The following HIBCH variants were observed in gnomAD, a reference collection of about 807,000 sequenced individuals.
The protein encoded by HIBCH is 3-hydroxyisobutyryl-CoA hydrolase, mitochondrial.
HIBCH carries 50 observed loss-of-function variants against 58.2 expected under a neutral mutation model. The observed-to-expected ratio is 0.86, with a 90% CI of 0.68 to 1.09. The LOEUF (loss-of-function observed/expected upper bound fraction) is 1.09. Among genes scored for constraint, HIBCH ranks in the 50% least tolerant of loss-of-function variants. HIBCH has a pLI of 0.00. For missense variants in HIBCH, 450 were observed against 449.7 expected, an observed-to-expected ratio of 1.00 and a Z score of -0.01; for synonymous variants, 151 against 146.9, an observed-to-expected ratio of 1.03 and a Z score of -0.20.
rs780155170 is a variant in HIBCH, at chr2:190,213,122, T to C, written c.892-47A>G. 4.3e-6 allele frequency: 6 copies of C among 1,409,274 alleles called. No individual in the cohort carries two copies. In the East Asian group the frequency reaches 6.9e-5, roughly 16 times the overall value. The allele number at this position is 1,409,274 out of a possible 1,614,324, so 87.3% of individuals were successfully genotyped here. On this transcript the variant is annotated intron_variant, in intron 11 of 13. Transcript: ENST00000359678. ...TACTGTTAGTCCAATAGTTCCTTTA[T>C]TGTCTATAATAAATGGGCAGAGTGT...
intron 2 of HIBCH, 37 bp downstream of exon 2, chr2:190,310,717 T>C (rs201746200): frequency 2.1e-5 from 33 of 1,535,574 alleles, no homozygotes. Flanking sequence ...AAGTTACACA[T>C]ACAAATAATG....
chr2:190,270,066 G>A (rs1306559895), intron 6 of HIBCH, among the ~76,000 whole-genome samples: 4 of 152,178 alleles, frequency 2.6e-5, no homozygotes, highest in South Asian at 4.2e-4. Flanking sequence ...GGGGCCTGTC[G>A]GGAGGTGAGG....
Position 190,207,905 on chromosome 2 carries a change from AAAAC to A in HIBCH, c.1045+971_1045+974del, listed in dbSNP as rs1453245343. Among the ~76,000 whole-genome samples, 3 of 152,122 alleles carry A rather than the reference AAAAC, an allele frequency of 2.0e-5. No homozygotes were observed. Among genetic ancestry groups the A allele is most frequent in the Non-Finnish European group, 4.4e-5 (3 of 68,012 alleles). ...CCAAAAAAAATAAAATAAAATAAAA[AAAAC>A]AAAGGATATCCAGAGTCTGCACTAT... On this transcript the variant is annotated intron_variant, in intron 13 of 13. Coordinates refer to ENST00000359678, the MANE Select transcript of HIBCH (RefSeq NM_014362.4). This position sits in a 1 kb window ranked among gnomAD's most constrained non-coding sequence, Gnocchi z 4.5.
chr2:190,205,058 G>A lies in HIBCH; in HGVS notation c.*59C>T, dbSNP rs1575690486. The A allele has an allele frequency of 4.4e-5, 38 of 869,718 alleles. 1 individual carries two copies. In the South Asian group the frequency reaches 5.1e-4, roughly 12 times the overall value. 53.9% of individuals were successfully genotyped at this position (869,718 alleles called of 1,614,324 possible). On this transcript the variant is annotated 3_prime_UTR_variant, in exon 14 of 14. Transcript: ENST00000359678. ...AAAAACAGGCAGCAGGCTGGATTTGGCCCACATGCTGTAGATTGCCAACCC... is the reference window on the plus strand; with the variant it reads ...AAAAACAGGCAGCAGGCTGGATTTGACCCACATGCTGTAGATTGCCAACCC...
At chr2:190,248,281 G>C (rs369646687) in intron 9 of HIBCH, among the ~76,000 whole-genome samples, 2 of 152,258 alleles carry the variant, frequency 1.3e-5, no homozygotes, top group East Asian at 3.9e-4. Context: ...TACATTATAA[G>C]ATGATCAGGC....
At chr2:190,255,190 T>C (rs1686888011) in intron 7 of HIBCH, among the ~76,000 whole-genome samples, 1 of 152,194 alleles carries the variant, frequency 6.6e-6, no homozygotes, top group Non-Finnish European at 1.5e-5. Context: ...ATATTTAGGT[T>C]TAAATCTTAA....
chr2:190,311,319 T>C (rs756421257), intron 1 of HIBCH, among the ~76,000 whole-genome samples: 11 of 152,312 alleles, frequency 7.2e-5, no homozygotes, highest in African/African-American at 9.6e-5. Flanking sequence ...AGGAGATGTT[T>C]AGGGCAGTGA....
At chr2:190,235,332 G>A (rs1686237931) in intron 11 of HIBCH, among the ~76,000 whole-genome samples, 1 of 152,202 alleles carries the variant, frequency 6.6e-6, no homozygotes, top group Non-Finnish European at 1.5e-5. Flanking sequence ...CTTATGGGTG[G>A]CATACGCAGT....
chr2:190,280,364 G>A (rs933207508), intron 6 of HIBCH, among the ~76,000 whole-genome samples: 5 of 152,130 alleles, frequency 3.3e-5, no homozygotes, highest in African/African-American at 7.2e-5. Context: ...GACATGAGCA[G>A]GGCAGAGAGC....
downstream of HIBCH, chr2:190,200,006 A>T (rs778465691): frequency 2.5e-6 from 4 of 1,614,000 alleles, no homozygotes; most frequent in South Asian, 4.4e-5. Flanking sequence ...GAGGAAGTGA[A>T]GGAACCTCCA....
downstream of HIBCH, among the ~76,000 whole-genome samples, chr2:190,198,988 G>A (rs1178243954): frequency 6.6e-6 from 1 of 152,172 alleles, no homozygotes. Context: ...CAATTTCACA[G>A]GGAACAGTCA....
intron 11 of HIBCH, among the ~76,000 whole-genome samples, chr2:190,232,985 A>T (rs1686153271): frequency 6.6e-6 from 1 of 152,028 alleles, no homozygotes; most frequent in Admixed American, 6.6e-5. Flanking sequence ...AACAAAAAAC[A>T]AAATGTAATA....
chr2:190,310,714 A>G, intron 2 of HIBCH, 40 bp downstream of exon 2: 2 of 1,491,984 alleles, frequency 1.3e-6, no homozygotes, highest in Non-Finnish European at 1.9e-6. Flanking sequence ...TTTAAGTTAC[A>G]CATACAAATA....
At chr2:190,257,317 A>C (rs182676551) in intron 7 of HIBCH, among the ~76,000 whole-genome samples, 4 of 152,348 alleles carry the variant, frequency 2.6e-5, no homozygotes, top group Admixed American at 2.6e-4. Flanking sequence ...CGAATTCCAT[A>C]CCCACATCTC....
At chr2:190,280,407 A>G (rs567994380) in intron 6 of HIBCH, among the ~76,000 whole-genome samples, 24 of 152,222 alleles carry the variant, frequency 1.6e-4, no homozygotes, top group African/African-American at 5.8e-4. Flanking sequence ...GTGACCATCA[A>G]GTGATGGTCA....
In HIBCH at chr2:190,288,878, G is replaced by A. The variant is rs529348004; in HGVS notation, c.386-1240C>T. On this transcript the variant is annotated intron_variant, in intron 5 of 13. Transcript: ENST00000359678. ...TGTAATCCCAGTACTTTGGGAGGCC[G>A]GGGCAGATGGATCACCTAGGGTCAG... Among the ~76,000 whole-genome samples the A allele has an allele frequency of 2.5e-4, 38 of 152,222 alleles. No homozygotes were observed. In the South Asian group the frequency reaches 5.8e-3, roughly 23 times the overall value.
At chr2:190,284,479 T>G (rs528021325) in intron 6 of HIBCH, among the ~76,000 whole-genome samples, 10 of 152,374 alleles carry the variant, frequency 6.6e-5, no homozygotes, top group Non-Finnish European at 1.5e-4. Context: ...TTAAGTGATC[T>G]CTTGGTCAAC....
chr2:190,268,728 C>G (rs1235188408), intron 6 of HIBCH, among the ~76,000 whole-genome samples: 1 of 152,196 alleles, frequency 6.6e-6, no homozygotes. Flanking sequence ...TATTACTATT[C>G]TAGACAAAAA....
intron 6 of HIBCH, among the ~76,000 whole-genome samples, chr2:190,265,010 C>T (rs1004045808): frequency 2.6e-5 from 4 of 151,042 alleles, no homozygotes; most frequent in Admixed American, 6.6e-5. Flanking sequence ...GTAATCCTAG[C>T]TACTCGGGAG....
Sources: allele counts gnomAD v4.1 joint callset (sites outside exome capture counted in the v4.1 genomes callset), GRCh38; gene constraint gnomAD v4.1.1; non-coding constraint Gnocchi (gnomAD v3.1); transcripts MANE v1.5; gene names NCBI Gene and HGNC (gene_info 2026-07-23, HGNC 2026-07-21).